Variants in PPARGC1A observed in about 807,000 individuals in gnomAD.
PPARGC1A encodes the protein peroxisome proliferator-activated receptor gamma coactivator 1-alpha.
Under a neutral mutation model 88.7 loss-of-function variants are expected in PPARGC1A, and 25 were observed. The ratio of observed to expected loss-of-function variants is 0.28; its 90% CI spans 0.21 to 0.39. The LOEUF (loss-of-function observed/expected upper bound fraction) is 0.39, where lower values mean the gene tolerates loss of function less well. Among genes scored for constraint, PPARGC1A ranks in the 10% least tolerant of loss-of-function variants. The probability of loss-of-function intolerance (pLI) is 1.00; values close to 1 mark genes in which losing one functional copy is unlikely to be tolerated. For missense variants in PPARGC1A, 880 were observed against 968.7 expected (o/e 0.91, Z 1.22); for synonymous variants, 363 against 355.6 (o/e 1.02, Z -0.24).
At chr4:24,067,714 G>T in the PPARGC1A span, among the ~76,000 whole-genome samples, 1 of 152,166 alleles carries the variant, frequency 6.6e-6, no homozygotes, top group Non-Finnish European at 1.5e-5. Flanking sequence ...AGGGGTCCAG[G>T]ATGGTTTGTT....
At chr4:24,189,526 ACTTCCAGGCTTTTCTAATGTCACCT>A in the PPARGC1A span, among the ~76,000 whole-genome samples, 1 of 152,090 alleles carries the variant, frequency 6.6e-6, no homozygotes. Context: ...TCCTCTTCAC[ACTTCCAGGCTTTTCTAATGTCACCT>A]CTTCCAGGAA....
At chr4:24,119,032 ACAGT>A in the PPARGC1A span, among the ~76,000 whole-genome samples, 17 of 152,230 alleles carry the variant, frequency 1.1e-4, no homozygotes, top group Non-Finnish European at 1.8e-4. Flanking sequence ...ATCACCTTGT[ACAGT>A]CAATTTATTC....
At position 23,814,462 on chromosome 4, in the gene PPARGC1A, C is replaced by T. The variant is rs762510292; in HGVS notation, c.1021G>A (p.Gly341Ser). The change falls in exon 8 of 13, where the codon GGC becomes AGC. Residue 341 changes from glycine to serine, a missense_variant. Coordinates refer to ENST00000264867, the MANE Select transcript of PPARGC1A (RefSeq NM_013261.5). ...PRYSESSGTQGNNSTKKGPEQ... is the reference protein window; with the variant it reads ...PRYSESSGTQSNNSTKKGPEQ... The stretch of plus-strand genomic sequence containing the variant: ...GGCCCTTTCTTGGTGGAGTTATTGC[C>T]TTGTGTACCAGAAGACTCACTGTAC... 6.2e-7 allele frequency: 1 copy of T among 1,613,578 alleles called. No individual in the cohort carries two copies. Among genetic ancestry groups the T allele is most frequent in the East Asian group, 2.2e-5 (1 of 44,816 alleles).
the PPARGC1A span, among the ~76,000 whole-genome samples, chr4:24,432,323 C>G: frequency 6.6e-6 from 1 of 152,044 alleles, no homozygotes; most frequent in South Asian, 2.1e-4. Context: ...TTTTTTCTCT[C>G]TCTGTGAAAG....
intron 2 of PPARGC1A, among the ~76,000 whole-genome samples, chr4:23,834,227 G>T (rs192616762): frequency 1.2e-3 from 185 of 152,222 alleles, no homozygotes; most frequent in African/African-American, 2.6e-3. Context: ...GTGAACCCGG[G>T]GGGTGGAGCT....
the PPARGC1A span, among the ~76,000 whole-genome samples, chr4:24,461,163 A>C: frequency 6.6e-6 from 1 of 152,196 alleles, no homozygotes; most frequent in Non-Finnish European, 1.5e-5. Context: ...GCCTCAAGCA[A>C]TCCCTCTGCT....
chr4:23,863,016 C>T (rs1220138612), intron 2 of PPARGC1A, among the ~76,000 whole-genome samples: 2 of 152,132 alleles, frequency 1.3e-5, no homozygotes, highest in Admixed American at 6.6e-5. Flanking sequence ...TTCTCATTCT[C>T]TCATTTTTGT....
chr4:24,169,326 G>T, the PPARGC1A span, among the ~76,000 whole-genome samples: 1 of 152,024 alleles, frequency 6.6e-6, no homozygotes, highest in Non-Finnish European at 1.5e-5. Flanking sequence ...TGTAATACGG[G>T]GTCCTGGATG....
intron 2 of PPARGC1A, among the ~76,000 whole-genome samples, chr4:23,864,413 A>C (rs1040972485): frequency 6.6e-6 from 1 of 152,250 alleles, no homozygotes; most frequent in Non-Finnish European, 1.5e-5. Flanking sequence ...CTAGGTACAC[A>C]GCAGATGCTG....
chr4:24,107,368 T>A, the PPARGC1A span, among the ~76,000 whole-genome samples: 2 of 152,212 alleles, frequency 1.3e-5, no homozygotes, highest in African/African-American at 4.8e-5. Context: ...AACACATTGA[T>A]CCCTGATCTC....
the PPARGC1A span, among the ~76,000 whole-genome samples, chr4:24,444,607 G>A: frequency 6.6e-6 from 1 of 152,320 alleles, no homozygotes; most frequent in Non-Finnish European, 1.5e-5. Flanking sequence ...ATGAGCCATT[G>A]CTATATGAAC....
chr4:23,853,755 AT>A (rs1222997068), intron 2 of PPARGC1A, among the ~76,000 whole-genome samples: 1 of 152,200 alleles, frequency 6.6e-6, no homozygotes, highest in Non-Finnish European at 1.5e-5. Flanking sequence ...TAAAACAACG[AT>A]TTAATTTCTG....
the PPARGC1A span, among the ~76,000 whole-genome samples, chr4:23,949,007 T>C: frequency 1.3e-5 from 2 of 152,270 alleles, no homozygotes; most frequent in African/African-American, 4.8e-5. Flanking sequence ...TCTTAAACCA[T>C]GTTACTCTCT....
At chr4:24,314,521 C>T in the PPARGC1A span, among the ~76,000 whole-genome samples, 13 of 152,088 alleles carry the variant, frequency 8.5e-5, no homozygotes, top group African/African-American at 1.4e-4. Flanking sequence ...TCCTAGCCTC[C>T]GGAGCAACTC....
intron 2 of PPARGC1A, among the ~76,000 whole-genome samples, chr4:23,834,768 A>G (rs535146246): frequency 6.6e-6 from 1 of 152,280 alleles, no homozygotes; most frequent in South Asian, 2.1e-4. Context: ...CAGGATCATA[A>G]TCTGGTATCC....
chr4:24,344,601 G>GTT, the PPARGC1A span, among the ~76,000 whole-genome samples: 2 of 97,620 alleles, frequency 2.0e-5, no homozygotes, highest in African/African-American at 6.9e-5. Flanking sequence ...GGGATTGTTT[G>GTT]TTTTTTTTTT....
At chr4:24,339,243 C>CAT in the PPARGC1A span, among the ~76,000 whole-genome samples, 1 of 147,864 alleles carries the variant, frequency 6.8e-6, no homozygotes, top group Non-Finnish European at 1.5e-5. Flanking sequence ...TATATACACA[C>CAT]ACACACACAC....
the PPARGC1A span, among the ~76,000 whole-genome samples, chr4:24,111,688 A>T: frequency 6.6e-6 from 1 of 152,212 alleles, no homozygotes; most frequent in Admixed American, 6.5e-5. Context: ...CAAGATTGTA[A>T]ATTGCACTGC....
the PPARGC1A span, among the ~76,000 whole-genome samples, chr4:24,271,677 A>G: frequency 2.0e-5 from 3 of 152,142 alleles, no homozygotes; most frequent in African/African-American, 7.2e-5. Context: ...TTCAAATCTC[A>G]GTGGGTCCTT....
Sources: gnomAD v4.1 joint callset for allele counts (sites outside exome capture counted in the v4.1 genomes callset) on GRCh38, gnomAD v4.1.1 for gene constraint, MANE v1.5 for transcripts, NCBI Gene and HGNC (gene_info 2026-07-23, HGNC 2026-07-21) for gene names.